The following SETD3 variants were observed in gnomAD, a reference collection of about 807,000 sequenced individuals.
SETD3 encodes SET domain containing 3, actin N3(tau)-histidine methyltransferase.
SETD3 carries 19 observed loss-of-function variants against 63.0 expected under a neutral mutation model. The observed-to-expected ratio is 0.30, with a 90% CI of 0.21 to 0.44. The LOEUF is 0.44. Among genes scored for constraint, SETD3 ranks in the 20% least tolerant of loss-of-function variants. SETD3 has a pLI of 1.00. For synonymous variants in SETD3, 286 were observed against 264.1 expected (o/e 1.08, Z -0.80); for missense variants, 587 against 728.5 (o/e 0.81, Z 2.24).
chr14:99,481,553 A>G (rs1392743129), upstream of SETD3: 3 of 398,080 alleles, frequency 7.5e-6, no homozygotes, highest in South Asian at 1.3e-4. Context: ...GTTATGGCCA[A>G]CCGCCGCTAT....
At chr14:99,453,406 G>A (rs751917213) in intron 6 of SETD3, among the ~76,000 whole-genome samples, 11 of 152,150 alleles carry the variant, frequency 7.2e-5, no homozygotes, top group Non-Finnish European at 1.5e-4. Context: ...GTTTTGCTTT[G>A]TCATGAACCC....
At chr14:99,412,582 C>G (rs996209071) in intron 8 of SETD3, 10 of 168,406 alleles carry the variant, frequency 5.9e-5, no homozygotes, top group Non-Finnish European at 1.1e-4. Context: ...ATTTTTTTTC[C>G]CCAATAAATG....
intron 11 of SETD3, among the ~76,000 whole-genome samples, chr14:99,403,285 T>C (rs1891481164): frequency 6.6e-6 from 1 of 152,202 alleles, no homozygotes; most frequent in Non-Finnish European, 1.5e-5. Flanking sequence ...ACATGGGCCA[T>C]GACTGCTTCC....
At chr14:99,437,610 C>G (rs904314049) in intron 6 of SETD3, among the ~76,000 whole-genome samples, 1 of 152,192 alleles carries the variant, frequency 6.6e-6, no homozygotes, top group Admixed American at 6.5e-5. Flanking sequence ...AGAAAAGGCA[C>G]TAGATCAGTG....
At chr14:99,413,120 T>A in intron 7 of SETD3, 55 bp from the exon 8 acceptor site, 1 of 1,051,104 alleles carries the variant, frequency 9.5e-7, no homozygotes, top group Non-Finnish European at 1.5e-6. Flanking sequence ...CCAATTGCAG[T>A]AAGAAATAAC....
At chr14:99,481,815 C>G (rs1020931938), upstream of SETD3, among the ~76,000 whole-genome samples, 1 of 152,234 alleles carries the variant, frequency 6.6e-6, no homozygotes, top group Non-Finnish European at 1.5e-5. Flanking sequence ...GTCTCACAGC[C>G]ACAGACTTCT....
chr14:99,416,219 A>C (rs1388981861), intron 6 of SETD3, among the ~76,000 whole-genome samples: 1 of 152,202 alleles, frequency 6.6e-6, no homozygotes, highest in East Asian at 1.9e-4. Context: ...ATTTAAGCTC[A>C]ATGTATTAAA....
upstream of SETD3, among the ~76,000 whole-genome samples, chr14:99,485,470 G>T (rs1896461484): frequency 6.6e-6 from 1 of 152,214 alleles, no homozygotes; most frequent in Non-Finnish European, 1.5e-5. Context: ...ATTCTCAGGG[G>T]AAGAAAGAGC....
intron 1 of SETD3, among the ~76,000 whole-genome samples, chr14:99,467,503 C>T (rs925214924): frequency 2.6e-5 from 4 of 152,226 alleles, no homozygotes; most frequent in Admixed American, 6.5e-5. Context: ...CTGCGGAGGG[C>T]ATCTCTGGAG....
intron 11 of SETD3, among the ~76,000 whole-genome samples, chr14:99,403,083 G>A (rs1282945350): frequency 6.6e-6 from 1 of 152,168 alleles, no homozygotes; most frequent in African/African-American, 2.4e-5. Flanking sequence ...TAGCGACAGG[G>A]TTGCTTATGA....
intron 6 of SETD3, among the ~76,000 whole-genome samples, chr14:99,441,899 T>C (rs1407040285): frequency 1.3e-5 from 2 of 152,158 alleles, no homozygotes; most frequent in African/African-American, 4.8e-5. Context: ...AGGGACCCTT[T>C]GGAAGAAAGA....
At chr14:99,443,976 T>C (rs572318008) in intron 6 of SETD3, among the ~76,000 whole-genome samples, 317 of 152,326 alleles carry the variant, frequency 2.1e-3, no homozygotes, top group Middle Eastern at 0.014. Flanking sequence ...CCCTGAGTGC[T>C]GGGCCTGTCA....
At chr14:99,410,626 T>C (rs1345907333) in intron 8 of SETD3, among the ~76,000 whole-genome samples, 1 of 152,226 alleles carries the variant, frequency 6.6e-6, no homozygotes, top group African/African-American at 2.4e-5. Context: ...GATATAAAGA[T>C]GTGTTGTTTC....
At position 99,461,242 on chromosome 14, in the gene SETD3, C is replaced by A; in HGVS notation, c.295G>T (p.Val99Phe). 1 of 1,614,190 alleles carries A rather than the reference C, an allele frequency of 6.2e-7. No individual in the cohort carries two copies. Among genetic ancestry groups the A allele is most frequent in the Non-Finnish European group, 8.5e-7 (1 of 1,180,034 alleles). The stretch of plus-strand genomic sequence containing the variant: ...CCAAAGCCCTCTTCTTTGAAGTTAA[C>A]CATTTCAAAACCCTCGACAGAAGCC... ...NGASVEGFEM[V>F]NFKEEGFGLR... is the part of the protein sequence containing the mutation. The change falls in exon 4 of 13, where the codon GTT becomes TTT. Residue 99 changes from valine to phenylalanine, a missense_variant. Val to Phe is a conservative substitution (Grantham distance 50, BLOSUM62 -1). Transcript: ENST00000331768.
chr14:99,481,972 C>G (rs1340977785), upstream of SETD3, among the ~76,000 whole-genome samples: 1 of 152,198 alleles, frequency 6.6e-6, no homozygotes, highest in Non-Finnish European at 1.5e-5. Flanking sequence ...GAGGAAAAGG[C>G]ACTTCCGGGA....
intron 6 of SETD3, among the ~76,000 whole-genome samples, chr14:99,446,808 G>A (rs1005154274): frequency 2.4e-4 from 37 of 151,910 alleles, no homozygotes; most frequent in African/African-American, 3.9e-4. Context: ...TGCCAGTCCC[G>A]AGGGCAGGAT....
At chr14:99,410,941 GAC>G (rs1432472027) in intron 8 of SETD3, among the ~76,000 whole-genome samples, 1 of 152,138 alleles carries the variant, frequency 6.6e-6, no homozygotes, top group Non-Finnish European at 1.5e-5. Flanking sequence ...CGTCAGGATA[GAC>G]ACACACAAAA....
intron 6 of SETD3, among the ~76,000 whole-genome samples, chr14:99,455,690 T>C: frequency 6.6e-6 from 1 of 152,086 alleles, no homozygotes; most frequent in Admixed American, 6.5e-5. Flanking sequence ...CTAAATCATA[T>C]AGGTAACTGA....
intron 1 of SETD3, among the ~76,000 whole-genome samples, chr14:99,476,710 T>C (rs915627695): frequency 4.6e-5 from 7 of 152,244 alleles, no homozygotes; most frequent in Admixed American, 4.6e-4. Context: ...TGAAAAGGCA[T>C]GTCTATTTTC....
Sources: gnomAD v4.1 joint callset for allele counts (sites outside exome capture counted in the v4.1 genomes callset) on GRCh38, gnomAD v4.1.1 for gene constraint, MANE v1.5 for transcripts, NCBI Gene and HGNC (gene_info 2026-07-23, HGNC 2026-07-21) for gene names.